B3GALT1: variants seen among roughly 807,000 people sequenced by gnomAD.
B3GALT1 encodes the protein UDP-Gal:betaGlcNAc beta 1,3-galactosyltransferase, polypeptide 1.
A neutral mutation model predicts 23.2 loss-of-function variants in B3GALT1; 10 were observed. That is an observed-to-expected ratio of 0.43 (90% CI 0.27 to 0.73). The LOEUF (loss-of-function observed/expected upper bound fraction) is 0.73. Among genes scored for constraint, B3GALT1 ranks in the 30% least tolerant of loss-of-function variants. The probability of loss-of-function intolerance (pLI) is 0.21; values close to 1 mark genes in which losing one functional copy is unlikely to be tolerated. For synonymous variants in B3GALT1, 156 were observed against 141.5 expected, an observed-to-expected ratio of 1.10 and a Z score of -0.73; for missense variants, 299 against 405.4, an observed-to-expected ratio of 0.74 and a Z score of 2.25.
intron 1 of B3GALT1, among the ~76,000 whole-genome samples, chr2:167,353,191 C>T (rs1697344796): frequency 6.6e-6 from 1 of 152,102 alleles, no homozygotes; most frequent in African/African-American, 2.4e-5. Flanking sequence ...TTTCCTGTCT[C>T]AACTGGAAAA....
At chr2:167,814,267 T>C (rs1446620494) in intron 3 of B3GALT1, among the ~76,000 whole-genome samples, 2 of 152,194 alleles carry the variant, frequency 1.3e-5, no homozygotes, top group Non-Finnish European at 1.5e-5. Flanking sequence ...CTTAAAGAGA[T>C]TGTTCCATTT....
At chr2:167,799,270 A>G (rs1373134294) in intron 3 of B3GALT1, among the ~76,000 whole-genome samples, 1 of 152,148 alleles carries the variant, frequency 6.6e-6, no homozygotes, top group Admixed American at 6.5e-5. Flanking sequence ...AGTCTATACA[A>G]TTCCAGTGCT....
intron 1 of B3GALT1, among the ~76,000 whole-genome samples, chr2:167,361,531 A>C (rs1697499918): frequency 6.6e-6 from 1 of 152,242 alleles, no homozygotes; most frequent in Non-Finnish European, 1.5e-5. Context: ...TAATCAGAGT[A>C]CTGGCAATTG....
In B3GALT1 at chr2:167,870,187, C is replaced by G; in HGVS notation, c.*167C>G. 1.5e-6 allele frequency: 1 copy of G among 651,246 alleles called. No homozygotes were observed. The highest frequency in any genetic ancestry group is 2.6e-6 in the Non-Finnish European group (1 of 391,614). 40.3% of individuals were successfully genotyped at this position (651,246 alleles called of 1,614,324 possible). Reference sequence around the variant, plus strand: ...GGATTACCAATTTATGAATGTTAGACTCTGGTCATAGAAACAATAAATGAG... The same window carrying G: ...GGATTACCAATTTATGAATGTTAGAGTCTGGTCATAGAAACAATAAATGAG... On this transcript the variant is annotated 3_prime_UTR_variant, in exon 5 of 5. Coordinates refer to ENST00000392690, the MANE Select transcript of B3GALT1 (RefSeq NM_020981.4).
At chr2:167,775,578 A>AC (rs1294458058) in intron 3 of B3GALT1, among the ~76,000 whole-genome samples, 2 of 151,716 alleles carry the variant, frequency 1.3e-5, no homozygotes, top group African/African-American at 2.4e-5. Context: ...CAAAAAAAAA[A>AC]AAAACAAAAC....
chr2:167,709,516 ATTTG>A (rs1253740694), intron 3 of B3GALT1, among the ~76,000 whole-genome samples: 8 of 152,160 alleles, frequency 5.3e-5, no homozygotes, highest in Admixed American at 2.0e-4. Flanking sequence ...TTGTGTTAAT[ATTTG>A]TTTGGGAAGA....
At chr2:167,715,162 A>G in intron 3 of B3GALT1, 1 of 1,613,872 alleles carries the variant, frequency 6.2e-7, no homozygotes. Flanking sequence ...AGTAAGCACC[A>G]TTTTCCGATT....
At chr2:167,613,900 G>T (rs1685112177) in intron 2 of B3GALT1, among the ~76,000 whole-genome samples, 1 of 151,722 alleles carries the variant, frequency 6.6e-6, no homozygotes, top group Non-Finnish European at 1.5e-5. Flanking sequence ...AGTCAACTAA[G>T]ACTGAAGGTT....
At chr2:167,374,962 T>G (rs982209142) in intron 1 of B3GALT1, among the ~76,000 whole-genome samples, 17 of 152,192 alleles carry the variant, frequency 1.1e-4, no homozygotes, top group African/African-American at 3.6e-4. Context: ...ATTCTTATAG[T>G]TTGAGGTCTT....
intron 3 of B3GALT1, among the ~76,000 whole-genome samples, chr2:167,700,280 A>G (rs1441677794): frequency 2.0e-5 from 3 of 152,154 alleles, no homozygotes; most frequent in Non-Finnish European, 4.4e-5. Context: ...TTATTGCCAT[A>G]TGACATTTTA....
chr2:167,757,454 A>G (rs1687835918), intron 3 of B3GALT1, among the ~76,000 whole-genome samples: 1 of 152,184 alleles, frequency 6.6e-6, no homozygotes, highest in African/African-American at 2.4e-5. Flanking sequence ...ATGGGTACAC[A>G]CTAGAAGTCC....
chr2:167,869,971 T>A lies in B3GALT1; in HGVS notation c.932T>A (p.Met311Lys), dbSNP rs751300954. Residue 311 changes from methionine (M) to lysine (K), a missense_variant, in exon 5 of 5, where the codon ATG becomes AAG. Physicochemically the swap from Met to Lys is moderately conservative, Grantham distance 95. Around this residue, in one of 3 missense-constraint regions of B3GALT1, gnomAD observed 133 missense variants for 204.8 expected, o/e 0.65. Transcript: ENST00000392690. This position sits in a 1 kb window ranked among gnomAD's most constrained non-coding sequence, Gnocchi z 6.4. The stretch of plus-strand genomic sequence containing the variant: ...GTGCATCAGATCTCTCCAGAAGAAA[T>A]GCACAGAATCTGGAATGACATGTCA... ...ITVHQISPEE[M>K]HRIWNDMSSK... is the part of the protein sequence containing the mutation. 1 of 1,611,162 alleles carries A rather than the reference T, an allele frequency of 6.2e-7. No homozygotes were observed. The highest frequency in any genetic ancestry group is 8.5e-7 in the Non-Finnish European group (1 of 1,177,702).
chr2:167,422,109 AAAGAAT>A (rs1225949881), intron 1 of B3GALT1, among the ~76,000 whole-genome samples: 1 of 151,028 alleles, frequency 6.6e-6, no homozygotes, highest in Non-Finnish European at 1.5e-5. Context: ...AGGGGAGAAG[AAAGAAT>A]AAGAAGGGAG....
chr2:167,402,880 C>T (rs1157216464), intron 1 of B3GALT1, among the ~76,000 whole-genome samples: 1 of 152,098 alleles, frequency 6.6e-6, no homozygotes, highest in East Asian at 1.9e-4. Flanking sequence ...TTCAATAATG[C>T]AATCCTGATC....
chr2:167,865,808 T>A (rs1475852877), intron 4 of B3GALT1, among the ~76,000 whole-genome samples: 3 of 151,724 alleles, frequency 2.0e-5, no homozygotes, highest in Non-Finnish European at 2.9e-5. Flanking sequence ...AATAAATAAA[T>A]AAAAAATAAA....
intron 3 of B3GALT1, among the ~76,000 whole-genome samples, chr2:167,683,978 C>T (rs1250706307): frequency 6.6e-6 from 1 of 152,194 alleles, no homozygotes; most frequent in Non-Finnish European, 1.5e-5. Flanking sequence ...CTTTCTTACT[C>T]ATCCTTCACA....
chr2:167,625,942 C>CATATATATGTAT (rs1685333354), intron 2 of B3GALT1, among the ~76,000 whole-genome samples: 7 of 118,412 alleles, frequency 5.9e-5, no homozygotes, highest in Non-Finnish European at 1.1e-4. Flanking sequence ...ATGACTAGGC[C>CATATATATGTAT]ATATATATAT....
chr2:167,680,769 C>T (rs371421447), intron 3 of B3GALT1, among the ~76,000 whole-genome samples: 150 of 147,470 alleles, frequency 1.0e-3, no homozygotes, highest in African/African-American at 3.0e-3. Context: ...CGATTATTCG[C>T]GCAGAATTTT....
chr2:167,371,340 C>G (rs1697681535), intron 1 of B3GALT1, among the ~76,000 whole-genome samples: 1 of 151,896 alleles, frequency 6.6e-6, no homozygotes, highest in Admixed American at 6.6e-5. Flanking sequence ...ACAAAATAGG[C>G]CCCTGTACTA....
Sources: allele counts gnomAD v4.1 joint callset (sites outside exome capture counted in the v4.1 genomes callset), GRCh38; gene constraint gnomAD v4.1.1; regional missense constraint gnomAD v4.1.1; non-coding constraint Gnocchi (gnomAD v3.1); transcripts MANE v1.5; gene names NCBI Gene and HGNC (gene_info 2026-07-23, HGNC 2026-07-21).